The following CNNM2 variants were observed in gnomAD, a reference collection of about 807,000 sequenced individuals.
CNNM2 encodes metal transporter CNNM2.
In CNNM2, 12 loss-of-function variants were observed where a neutral mutation model predicts 66.9. The observed-to-expected ratio is 0.18, with a 90% confidence interval of 0.11 to 0.29. The LOEUF is 0.29. Among genes scored for constraint, CNNM2 ranks in the 10% least tolerant of loss-of-function variants. The probability of loss-of-function intolerance (pLI) is 1.00; values close to 1 mark genes in which losing one functional copy is unlikely to be tolerated. For synonymous variants in CNNM2, 557 were observed against 501.8 expected, an observed-to-expected ratio of 1.11 and a Z score of -1.47; for missense variants, 705 against 1,167.7, an observed-to-expected ratio of 0.60 and a Z score of 5.77.
At chr10:102,968,353 T>A (rs2063497690) in intron 1 of CNNM2, among the ~76,000 whole-genome samples, 2 of 152,026 alleles carry the variant, frequency 1.3e-5, no homozygotes, top group Non-Finnish European at 2.9e-5. Context: ...TTCAAGTGAT[T>A]CTCCTGCCTT....
chr10:103,021,572 C>T lies in CNNM2; in HGVS notation c.1622-28135C>T, dbSNP rs771059324. Among the ~76,000 whole-genome samples, 4 of 152,046 alleles carry T rather than the reference C, an allele frequency of 2.6e-5. No individual in the cohort carries two copies. In the East Asian group the frequency reaches 5.8e-4, roughly 22 times the overall value. ...ACGCCAGAGTTCTGGCGCTTTCGCT[C>T]GATTTTGACAATGAGTGAGACCTGT... On this transcript the variant is annotated intron_variant, in intron 1 of 7. Coordinates refer to ENST00000369878, the MANE Select transcript of CNNM2 (RefSeq NM_017649.5).
At chr10:102,922,076 A>G (rs1448008668) in intron 1 of CNNM2, among the ~76,000 whole-genome samples, 1 of 152,204 alleles carries the variant, frequency 6.6e-6, no homozygotes, top group Non-Finnish European at 1.5e-5. Flanking sequence ...GGAATTACTA[A>G]TATTTCCCTA....
intron 1 of CNNM2, among the ~76,000 whole-genome samples, chr10:102,938,658 C>G (rs369405718): frequency 6.7e-6 from 1 of 148,956 alleles, no homozygotes; most frequent in South Asian, 2.1e-4. Context: ...AACGCCTCTA[C>G]TCCTTTAGCC....
intron 1 of CNNM2, among the ~76,000 whole-genome samples, chr10:102,968,161 A>G (rs890408066): frequency 7.2e-5 from 11 of 152,208 alleles, no homozygotes; most frequent in African/African-American, 2.4e-4. Context: ...CTGTTCTCCA[A>G]CTTGGCTGTA....
chr10:102,957,010 T>A lies in CNNM2; in HGVS notation c.1621+36909T>A, dbSNP rs138112129. Among the ~76,000 whole-genome samples the A allele has an allele frequency of 0.019, 2,902 of 152,102 alleles. 40 individuals are homozygous for A. Among genetic ancestry groups the A allele is most frequent in the Non-Finnish European group, 0.033 (2,249 of 67,958 alleles). On this transcript the variant is annotated intron_variant, in intron 1 of 7. Transcript: ENST00000369878. The stretch of plus-strand genomic sequence containing the variant: ...ATAATAATAATTTTTTTAAAAAAGA[T>A]GGTAAGATTGGCTGGGCACGGTGGC...
At chr10:102,938,907 G>A (rs937569991) in intron 1 of CNNM2, among the ~76,000 whole-genome samples, 4 of 152,084 alleles carry the variant, frequency 2.6e-5, no homozygotes, top group African/African-American at 7.2e-5. Flanking sequence ...TGAATGGACA[G>A]CGATAGATCT....
intron 6 of CNNM2, among the ~76,000 whole-genome samples, chr10:103,072,514 C>T (rs532599420): frequency 1.9e-3 from 288 of 149,998 alleles, no homozygotes; most frequent in Non-Finnish European, 3.6e-3. Flanking sequence ...CGCTTCTCCC[C>T]GCCACCAGGC....
rs185455708 is a variant in CNNM2 at position 103,066,109 on chromosome 10, C to T, written c.2074-2520C>T. ...CCCGGCGGCCTTGAGCACCTTGAGG[C>T]CCTGACCGTCCTTGCCCCTGGAATT... On this transcript the variant is annotated intron_variant, in intron 4 of 7. Transcript: ENST00000369878. Among the ~76,000 whole-genome samples the T allele has an allele frequency of 2.6e-5, 4 of 152,284 alleles. No individual in the cohort carries two copies. In the East Asian group the frequency reaches 5.8e-4, roughly 22 times the overall value.
At chr10:102,929,956 G>A (rs1409857207) in intron 1 of CNNM2, among the ~76,000 whole-genome samples, 1 of 152,184 alleles carries the variant, frequency 6.6e-6, no homozygotes, top group Non-Finnish European at 1.5e-5. Flanking sequence ...TTATAGCAGT[G>A]TAAATTTATA....
At chr10:102,985,802 T>C (rs2063788581) in intron 1 of CNNM2, among the ~76,000 whole-genome samples, 1 of 152,160 alleles carries the variant, frequency 6.6e-6, no homozygotes, top group Admixed American at 6.5e-5. Context: ...AGTAAAAGGA[T>C]TGGGAAAGGG....
intron 1 of CNNM2, among the ~76,000 whole-genome samples, chr10:103,030,544 G>T (rs2064803767): frequency 6.6e-6 from 1 of 152,096 alleles, no homozygotes; most frequent in African/African-American, 2.4e-5. Context: ...GTGAAACCCA[G>T]TCTCTACTAA....
chr10:103,008,976 TC>T (rs2064283144), intron 1 of CNNM2, among the ~76,000 whole-genome samples: 1 of 151,966 alleles, frequency 6.6e-6, no homozygotes, highest in Admixed American at 6.6e-5. Flanking sequence ...CTTTGAGAGT[TC>T]TTAAAAATAC....
At chr10:103,017,417 T>C (rs183971849) in intron 1 of CNNM2, among the ~76,000 whole-genome samples, 1 of 152,160 alleles carries the variant, frequency 6.6e-6, no homozygotes, top group Admixed American at 6.5e-5. Context: ...AGCAAATAAA[T>C]ATGAACCAAA....
intron 1 of CNNM2, among the ~76,000 whole-genome samples, chr10:102,997,522 CAGATGTGAGGTCT>C (rs2064026004): frequency 2.6e-5 from 4 of 152,002 alleles, no homozygotes; most frequent in African/African-American, 9.7e-5. Context: ...AATGGGAAGA[CAGATGTGAGGTCT>C]AGATTCTTGG....
intron 1 of CNNM2, among the ~76,000 whole-genome samples, chr10:102,985,239 T>C (rs1185884586): frequency 6.6e-6 from 1 of 152,150 alleles, no homozygotes; most frequent in Non-Finnish European, 1.5e-5. Flanking sequence ...GCGGATCCTT[T>C]CCATCTGAAA....
At chr10:102,961,179 A>G (rs537111986) in intron 1 of CNNM2, among the ~76,000 whole-genome samples, 1 of 152,252 alleles carries the variant, frequency 6.6e-6, no homozygotes, top group Admixed American at 6.5e-5. Context: ...TACCTGGTTC[A>G]ACAGAATTTT....
chr10:102,926,787 C>T (rs1349851385), intron 1 of CNNM2, among the ~76,000 whole-genome samples: 1 of 147,008 alleles, frequency 6.8e-6, no homozygotes, highest in Non-Finnish European at 1.5e-5. Context: ...ACGATATCGG[C>T]TCACTGCAAG....
intron 2 of CNNM2, among the ~76,000 whole-genome samples, chr10:103,050,603 T>C (rs1753501937): frequency 6.6e-6 from 1 of 151,784 alleles, no homozygotes; most frequent in South Asian, 2.1e-4. Context: ...TACTTCCTTG[T>C]TCCAGAACCC....
chr10:103,058,468 T>C (rs1325946553), intron 4 of CNNM2, among the ~76,000 whole-genome samples: 1 of 152,250 alleles, frequency 6.6e-6, no homozygotes, highest in Non-Finnish European at 1.5e-5. Context: ...TTGTCTACTT[T>C]TATATAGTTA....
Sources: gnomAD v4.1 joint callset for allele counts (sites outside exome capture counted in the v4.1 genomes callset) on GRCh38, gnomAD v4.1.1 for gene constraint, MANE v1.5 for transcripts, NCBI Gene and HGNC (gene_info 2026-07-23, HGNC 2026-07-21) for gene names.